Variants in RBFOX1 observed in about 807,000 individuals in gnomAD.
The protein encoded by RBFOX1 is RNA binding fox-1 homolog 1, also known as RNA binding protein fox-1 homolog 1.
In RBFOX1, 8 loss-of-function variants were observed where a neutral mutation model predicts 57.7. The ratio of observed to expected loss-of-function variants is 0.14; its 90% confidence interval spans 0.08 to 0.25. RBFOX1 has a LOEUF of 0.25. Ranked by LOEUF, RBFOX1 falls within the 10% of genes least tolerant of loss-of-function variation. RBFOX1 has a pLI of 1.00. For missense variants in RBFOX1, 611 were observed against 548.5 expected, an observed-to-expected ratio of 1.11 and a Z score of -1.14; for synonymous variants, 326 against 222.4, an observed-to-expected ratio of 1.47 and a Z score of -4.15.
intron 3 of RBFOX1, among the ~76,000 whole-genome samples, chr16:7,034,827 C>CTTTTTTTTTTTCTTTTTTT (rs2043824001): frequency 1.1e-4 from 6 of 54,102 alleles, no homozygotes; most frequent in Non-Finnish European, 1.5e-4. Flanking sequence ...TATTGCATTA[C>CTTTTTTTTTTTCTTTTTTT]TTTTTTTTTT....
At chr16:7,693,240 A>T in intron 14 of RBFOX1, 1 of 1,276,060 alleles carries the variant, frequency 7.8e-7, no homozygotes, top group Non-Finnish European at 1.1e-6. Context: ...CCTCATCTGT[A>T]CACATCGAAG....
intron 2 of RBFOX1, among the ~76,000 whole-genome samples, chr16:6,424,620 C>CGTGTGTGTGCGTGTGTGT: frequency 6.6e-6 from 1 of 150,706 alleles, no homozygotes; most frequent in African/African-American, 2.4e-5. Flanking sequence ...TGTGTGTGTG[C>CGTGTGTGTGCGTGTGTGT]GTGTGTGTGA....
chr16:7,541,213 G>C lies in RBFOX1; in HGVS notation c.270+22824G>C, dbSNP rs567482295. The stretch of plus-strand genomic sequence containing the variant: ...ACAAGCACAAAGAACTCTTAGTGAG[G>C]CTTAAAAATAAGCCATTCAGCAAAA... On this transcript the variant is annotated intron_variant, in intron 5 of 15. Transcript: ENST00000550418. Among the ~76,000 whole-genome samples, 7 of 152,300 alleles carry C rather than the reference G, an allele frequency of 4.6e-5. No individual in the cohort carries two copies. In the South Asian group the frequency reaches 1.5e-3, roughly 32 times the overall value.
intron 3 of RBFOX1, among the ~76,000 whole-genome samples, chr16:5,804,297 A>G (rs988970683): frequency 2.0e-5 from 3 of 152,240 alleles, no homozygotes; most frequent in African/African-American, 4.8e-5. Context: ...TCATATGTGA[A>G]TGAATAGATG....
At chr16:5,955,352 AAATAAAAATAAAATAAAAT>A (rs2059612597) in intron 4 of RBFOX1, among the ~76,000 whole-genome samples, 75 of 14,316 alleles carry the variant, frequency 5.2e-3, no homozygotes, top group African/African-American at 0.011. Flanking sequence ...AAAATAAAAT[AAATAAAAATAAAATAAAAT>A]AAAATAAAAT....
At chr16:6,689,543 G>C (rs2059917152) in intron 3 of RBFOX1, among the ~76,000 whole-genome samples, 1 of 152,038 alleles carries the variant, frequency 6.6e-6, no homozygotes, top group South Asian at 2.1e-4. Flanking sequence ...GTTTACACAG[G>C]ACTTATCTTT....
chr16:6,786,593 A>G (rs1382989376), intron 3 of RBFOX1, among the ~76,000 whole-genome samples: 1 of 152,106 alleles, frequency 6.6e-6, no homozygotes, highest in East Asian at 1.9e-4. Context: ...AATAAGGACA[A>G]AGCTGGTTCC....
chr16:5,879,753 G>C (rs1415011923), intron 4 of RBFOX1, among the ~76,000 whole-genome samples: 2 of 152,224 alleles, frequency 1.3e-5, no homozygotes, highest in Non-Finnish European at 2.9e-5. Flanking sequence ...TGTCTGATGA[G>C]AGCTGGGGGT....
intron 3 of RBFOX1, among the ~76,000 whole-genome samples, chr16:7,001,685 G>C (rs962352005): frequency 3.3e-5 from 5 of 152,042 alleles, no homozygotes; most frequent in East Asian, 1.9e-4. Context: ...TCAAACTCCT[G>C]ACCTGAAGTG....
chr16:6,009,996 G>A (rs779837600), intron 4 of RBFOX1, among the ~76,000 whole-genome samples: 1 of 152,118 alleles, frequency 6.6e-6, no homozygotes, highest in Non-Finnish European at 1.5e-5. Flanking sequence ...TTCCGTCAGT[G>A]GAGCTCCATG....
rs116681992 is a variant in RBFOX1, at chr16:6,885,367, G to A, written c.-15-166690G>A. ...TCTGATTTAAACAAGCCTTCGGGGGGTTGCCGAAGCATGCTCATGAGTCAA... is the reference window on the plus strand; with the variant it reads ...TCTGATTTAAACAAGCCTTCGGGGGATTGCCGAAGCATGCTCATGAGTCAA... On this transcript the variant is annotated intron_variant, in intron 3 of 15. Coordinates refer to ENST00000550418, the MANE Select transcript of RBFOX1 (RefSeq NM_018723.4). 6.1e-3 allele frequency among the ~76,000 whole-genome samples: 926 copies of A among 152,190 alleles called. 12 individuals carry two copies. Among genetic ancestry groups the A allele is most frequent in the African/African-American group, 0.021 (878 of 41,506 alleles).
intron 4 of RBFOX1, among the ~76,000 whole-genome samples, chr16:5,945,236 T>A (rs1016204993): frequency 6.6e-6 from 1 of 152,152 alleles, no homozygotes; most frequent in African/African-American, 2.4e-5. Context: ...TGCCTGGCCC[T>A]TCGTGGGTCT....
chr16:6,215,540 C>T (rs1452895915), intron 1 of RBFOX1, among the ~76,000 whole-genome samples: 1 of 152,062 alleles, frequency 6.6e-6, no homozygotes, highest in African/African-American at 2.4e-5. Context: ...CCCATGAACG[C>T]TCCCCCAAAT....
intron 2 of RBFOX1, among the ~76,000 whole-genome samples, chr16:6,372,401 T>A (rs2152895966): frequency 6.8e-6 from 1 of 147,832 alleles, no homozygotes; most frequent in Middle Eastern, 3.7e-3. Context: ...GATGGTTGGG[T>A]GGAATGGAGA....
chr16:5,835,795 C>A (rs1011022274), intron 3 of RBFOX1, among the ~76,000 whole-genome samples: 16 of 152,216 alleles, frequency 1.1e-4, no homozygotes, highest in Admixed American at 9.2e-4. Flanking sequence ...TCATCTTCTT[C>A]TTTAGTCTTT....
intron 2 of RBFOX1, among the ~76,000 whole-genome samples, chr16:6,329,175 A>G (rs2082715632): frequency 6.6e-6 from 1 of 152,176 alleles, no homozygotes; most frequent in Non-Finnish European, 1.5e-5. Context: ...TGACTCCATG[A>G]AGTGGAAAGC....
intron 14 of RBFOX1, among the ~76,000 whole-genome samples, chr16:7,702,383 C>G (rs1193036221): frequency 6.6e-6 from 1 of 151,942 alleles, no homozygotes; most frequent in East Asian, 1.9e-4. Context: ...GGGGACCTCT[C>G]TGCAGTTGCA....
At chr16:7,207,687 G>C (rs1012129744) in intron 4 of RBFOX1, among the ~76,000 whole-genome samples, 1 of 152,182 alleles carries the variant, frequency 6.6e-6, no homozygotes, top group Non-Finnish European at 1.5e-5. Context: ...TTGTTTAAAA[G>C]AATGCAACAA....
chr16:6,892,767 C>CCTGT (rs1197573010), intron 3 of RBFOX1, among the ~76,000 whole-genome samples: 6 of 89,136 alleles, frequency 6.7e-5, no homozygotes, highest in African/African-American at 3.0e-4. Context: ...TCAAAGCCTC[C>CCTGT]CTGTCTCCCT....
Sources: allele counts gnomAD v4.1 joint callset (sites outside exome capture counted in the v4.1 genomes callset), GRCh38; gene constraint gnomAD v4.1.1; transcripts MANE v1.5; gene names NCBI Gene and HGNC (gene_info 2026-07-23, HGNC 2026-07-21).